HNRNPU: variants seen among roughly 807,000 people sequenced by gnomAD.
The protein encoded by HNRNPU is heterogeneous nuclear ribonucleoprotein U, also known as HNRNPU antisense RNA 1.
A neutral mutation model predicts 94.7 loss-of-function variants in HNRNPU; 5 were observed. That is an observed-to-expected ratio of 0.05 (90% CI 0.03 to 0.11). HNRNPU has a LOEUF of 0.11. Among genes scored for constraint, HNRNPU ranks in the 10% least tolerant of loss-of-function variants. HNRNPU has a pLI of 1.00. For missense variants in HNRNPU, 710 were observed against 1,049.2 expected, an observed-to-expected ratio of 0.68 and a Z score of 4.47; for synonymous variants, 434 against 381.6, an observed-to-expected ratio of 1.14 and a Z score of -1.60.
chr1:244,859,493 C>A, intron 4 of HNRNPU, 119 bp from the exon 5 acceptor site: 1 of 541,072 alleles, frequency 1.8e-6, no homozygotes. Flanking sequence ...AAAGAAGGCA[C>A]ACTCTAGCCC....
chr1:244,859,789 T>C (rs1046902940), intron 4 of HNRNPU: 6 of 157,868 alleles, frequency 3.8e-5, no homozygotes, highest in African/African-American at 1.4e-4. Flanking sequence ...TGGCAAGTTC[T>C]AACATAACAA....
At chr1:244,856,317 G>A in intron 10 of HNRNPU, 140 bp downstream of exon 10, 6 of 1,151,620 alleles carry the variant, frequency 5.2e-6, no homozygotes, top group South Asian at 1.5e-5. Context: ...AATTCCTGAA[G>A]CAGTATTGCT....
intron 6 of HNRNPU, 146 bp from the exon 7 acceptor site, chr1:244,858,420 A>G: frequency 1.5e-6 from 1 of 688,020 alleles, no homozygotes; most frequent in Non-Finnish European, 2.4e-6. Context: ...TACACAGTTA[A>G]GAAATCTGAT....
At chr1:244,862,090 A>G (rs1680846018) in intron 3 of HNRNPU, 1 of 177,786 alleles carries the variant, frequency 5.6e-6, no homozygotes, top group Non-Finnish European at 1.2e-5. Context: ...TAGCCCAAAT[A>G]GCTCACTTAA....
At chr1:244,857,172 A>C in intron 8 of HNRNPU, 2 of 256,360 alleles carry the variant, frequency 7.8e-6, no homozygotes, top group Non-Finnish European at 7.3e-6. Context: ...CATCTCTTTA[A>C]GATACTAACA....
intron 12 of HNRNPU, 26 bp from the exon 13 acceptor site, chr1:244,855,070 A>C: frequency 1.3e-6 from 2 of 1,584,346 alleles, no homozygotes; most frequent in Non-Finnish European, 8.7e-7. Context: ...ACTCTCTAAG[A>C]GCTCTGAGCC....
chr1:244,860,627 A>G, intron 3 of HNRNPU, 153 bp from the exon 4 acceptor site: 1 of 628,158 alleles, frequency 1.6e-6, no homozygotes, highest in Non-Finnish European at 2.8e-6. Context: ...TTCAGTTTAA[A>G]GCCCCACTCC....
rs976539486 is a variant in HNRNPU, at chr1:244,852,422, A to T, written c.*2028T>A. On this transcript the variant is annotated 3_prime_UTR_variant, in exon 14 of 14. Coordinates refer to ENST00000640218, the MANE Select transcript of HNRNPU (RefSeq NM_031844.3). ...ATTCCTTAATAAGCAATTTTAAACT[A>T]GAAGATATATCCAAAACTTTTTAAA... 2 of 152,196 alleles carry T rather than the reference A, an allele frequency of 1.3e-5. No individual in the cohort carries two copies. Among genetic ancestry groups the T allele is most frequent in the African/African-American group, 4.8e-5 (2 of 41,450 alleles). The allele number at this position is 152,196 out of a possible 1,614,324, so 9.4% of individuals were successfully genotyped here. A position where few individuals can be genotyped will look rare whatever the true frequency, so the allele number is the denominator to read the frequency against.
At chr1:244,857,462 G>T in intron 8 of HNRNPU, 136 bp downstream of exon 8, 1 of 855,840 alleles carries the variant, frequency 1.2e-6, no homozygotes, top group Non-Finnish European at 1.8e-6. Flanking sequence ...GGCCAGGTGG[G>T]TCTCAAACTC....
At position 244,855,443 on chromosome 1, in the gene HNRNPU, T is replaced by C. The variant is rs1680652178; in HGVS notation, c.2333A>G (p.Asn778Ser). 2.5e-6 allele frequency: 4 copies of C among 1,613,558 alleles called. No individual in the cohort carries two copies. The highest frequency in any genetic ancestry group is 1.7e-5 in the Admixed American group (1 of 60,000). The change falls in exon 12 of 14, where the codon AAC becomes AGC. Residue 778 changes from asparagine (N) to serine (S), a missense_variant. Transcript: ENST00000640218. Reference sequence around the variant, plus strand: ...CATTACCTGGTTGTAGTTCCCTCTGTTGGGCATTCCACCTCTGTTGTAGTT... The same window carrying C: ...CATTACCTGGTTGTAGTTCCCTCTGCTGGGCATTCCACCTCTGTTGTAGTT... ...RGNYNRGGMP[N>S]RGNYNQNFRG...
chr1:244,864,326 C>G lies in HNRNPU; in HGVS notation c.-19G>C. ...AACTCATGGTGAGGGCCCCGATTCA[C>G]CGCTAGGCGCTGCCTCAAACTCGGC... is the stretch of plus-strand genomic sequence containing the variant. On this transcript the variant is annotated 5_prime_UTR_variant, in exon 1 of 14. Coordinates refer to ENST00000640218, the MANE Select transcript of HNRNPU (RefSeq NM_031844.3). 1.2e-6 allele frequency: 2 copies of G among 1,609,582 alleles called. No homozygotes were observed. Among genetic ancestry groups the G allele is most frequent in the South Asian group, 1.1e-5 (1 of 90,678 alleles).
At chr1:244,860,977 C>T (rs1487399914) in intron 3 of HNRNPU, 1 of 155,668 alleles carries the variant, frequency 6.4e-6, no homozygotes, top group East Asian at 1.9e-4. Context: ...AAGAAGACAG[C>T]CTAAAACTAT....
At chr1:244,862,405 A>AAC (rs1322108099) in intron 3 of HNRNPU, 56 bp downstream of exon 3, 1 of 1,239,072 alleles carries the variant, frequency 8.1e-7, no homozygotes, top group East Asian at 2.3e-5. Context: ...TAAAAAAAAA[A>AAC]AAAAAAAAAC....
rs1254900423 is a variant in HNRNPU, at chr1:244,855,572, T to C, written c.2204A>G (p.Asn735Ser). ...ACCGCCACCACCTCTCTGTGGCATG[T>C]TGCCCCTCCTATTATATCCGCCACG... is the stretch of plus-strand genomic sequence containing the variant. Reference protein sequence around the residue: ...GNRGGYNRRGNMPQRGGGGGG... With the variant: ...GNRGGYNRRGSMPQRGGGGGG... The change falls in exon 12 of 14, where the codon AAC becomes AGC. Residue 735 changes from asparagine to serine, a missense_variant. Asn to Ser is a conservative substitution (Grantham distance 46). Around this residue, in one of 8 missense-constraint regions of HNRNPU, gnomAD observed 152 missense variants for 238.9 expected, o/e 0.64. Transcript: ENST00000640218. 14 of 1,613,968 alleles carry C rather than the reference T, an allele frequency of 8.7e-6. No homozygotes were observed. Among genetic ancestry groups the C allele is most frequent in the Non-Finnish European group, 9.3e-6 (11 of 1,179,968 alleles).
chr1:244,857,822 TACAC>T, intron 7 of HNRNPU, 105 bp from the exon 8 acceptor site: 1 of 1,443,488 alleles, frequency 6.9e-7, no homozygotes, highest in Non-Finnish European at 9.4e-7. Context: ...TCATAGCCCT[TACAC>T]TAACGGACAA....
rs768539882 is a variant in HNRNPU, at chr1:244,858,187, C to A, written c.1318G>T (p.Ala440Ser). 1 of 1,614,138 alleles carries A rather than the reference C, an allele frequency of 6.2e-7. No homozygotes were observed. Among genetic ancestry groups the A allele is most frequent in the South Asian group, 1.1e-5 (1 of 91,092 alleles). Residue 440 changes from alanine (A) to serine (S), a missense_variant, in exon 7 of 14, where the codon GCT becomes TCT. By Grantham distance (99) the Ala-to-Ser change is moderately conservative (BLOSUM62 1). This residue lies in a region of HNRNPU where 150 missense variants were observed against 187.9 expected (regional missense o/e 0.80). Transcript: ENST00000640218. ...ACATGCGGGAACAGTGGCCGTCCAG[C>A]AAGAACTTCCTTACTGATTTTGAAG... Reference protein sequence around the residue: ...VAFKISKEVLAGRPLFPHVLC... With the variant: ...VAFKISKEVLSGRPLFPHVLC...
Position 244,856,708 on chromosome 1 carries a change from A to G in HNRNPU, c.1743+20T>C, listed in dbSNP as rs1449168514. 2 of 1,605,816 alleles carry G rather than the reference A, an allele frequency of 1.2e-6. No individual in the cohort carries two copies. The highest frequency in any genetic ancestry group is 2.2e-5 in the East Asian group (1 of 44,830). ...CTAAATTATCAGTTAATATTTTTCA[A>G]TTTCAAAGCTACAGCGTACCTGATC... On this transcript the variant is annotated intron_variant, in intron 9 of 13. Coordinates refer to ENST00000640218, the MANE Select transcript of HNRNPU (RefSeq NM_031844.3).
chr1:244,854,797 C>CA, intron 13 of HNRNPU, 176 bp downstream of exon 13: 1 of 528,944 alleles, frequency 1.9e-6, no homozygotes, highest in Non-Finnish European at 3.3e-6. Context: ...TAGCAATCTT[C>CA]AACCTATTTT....
rs373752183 is a variant in HNRNPU at position 244,863,852 on chromosome 1, C to T, written c.456G>A (p.Ala152=). 15 of 1,613,284 alleles carry T rather than the reference C, an allele frequency of 9.3e-6. No homozygotes were observed. The highest frequency in any genetic ancestry group is 1.3e-5 in the African/African-American group (1 of 74,866). Residue 152 remains alanine, a synonymous_variant, in exon 1 of 14, where the codon GCG becomes GCA. Coordinates refer to ENST00000640218, the MANE Select transcript of HNRNPU (RefSeq NM_031844.3). The stretch of plus-strand genomic sequence containing the variant: ...GCTCCCCGTGCCCGTTCTCGTCGCC[C>T]GCGCCTTCCTCTTCGTCCCCGAGCT... ...EDELGDEEEG[A]GDENGHGEQQ...
Sources: allele counts gnomAD v4.1 joint callset, GRCh38; gene constraint gnomAD v4.1.1; regional missense constraint gnomAD v4.1.1; transcripts MANE v1.5; gene names NCBI Gene and HGNC (gene_info 2026-07-23, HGNC 2026-07-21).